Variants in PRKN observed in about 807,000 individuals in gnomAD.
PRKN encodes the protein parkin RBR E3 ubiquitin protein ligase, also known as E3 ubiquitin-protein ligase parkin.
In PRKN, 56 loss-of-function variants were observed where a neutral mutation model predicts 59.5. That is an observed-to-expected ratio of 0.94 (90% CI 0.76 to 1.18). The LOEUF (loss-of-function observed/expected upper bound fraction) is 1.18. Ranked by LOEUF, PRKN falls within the 50% of genes most tolerant of loss-of-function variation. PRKN has a pLI of 0.00. For synonymous variants in PRKN, 250 were observed against 222.1 expected (o/e 1.13, Z -1.12); for missense variants, 657 against 596.4 (o/e 1.10, Z -1.06).
chr6:162,358,685 T>C (rs1562699049), intron 2 of PRKN, among the ~76,000 whole-genome samples: 1 of 152,090 alleles, frequency 6.6e-6, no homozygotes, highest in Non-Finnish European at 1.5e-5. Flanking sequence ...AAATCTAGAG[T>C]GCAGCATATC....
At chr6:161,365,630 T>A (rs1055407431) in intron 10 of PRKN, among the ~76,000 whole-genome samples, 4 of 152,122 alleles carry the variant, frequency 2.6e-5, no homozygotes, top group Admixed American at 6.6e-5. Context: ...GAGAAATAAT[T>A]ACTTTTCAAA....
At chr6:162,228,457 C>A (rs1778282460) in intron 3 of PRKN, among the ~76,000 whole-genome samples, 2 of 152,120 alleles carry the variant, frequency 1.3e-5, no homozygotes, top group Admixed American at 6.5e-5. Flanking sequence ...AGTCCCAGAA[C>A]TAATCCTTTC....
chr6:161,757,697 G>T (rs1788985001), intron 7 of PRKN, among the ~76,000 whole-genome samples: 1 of 151,766 alleles, frequency 6.6e-6, no homozygotes, highest in Non-Finnish European at 1.5e-5. Flanking sequence ...AATTAGCTGG[G>T]CATGGTGGCG....
chr6:161,503,380 T>C lies in PRKN; in HGVS notation c.1083+45474A>G, dbSNP rs1408482434. Among the ~76,000 whole-genome samples the C allele has an allele frequency of 6.6e-6, 1 of 152,204 alleles. No individual in the cohort carries two copies. Among genetic ancestry groups the C allele is most frequent in the Admixed American group, 6.5e-5 (1 of 15,284 alleles). On this transcript the variant is annotated intron_variant, in intron 9 of 11. Transcript: ENST00000366898. This position sits in a 1 kb window ranked among gnomAD's most constrained non-coding sequence, Gnocchi z 5.1. ...TCTGTTTGCTGCACACTGTGCTCTT[T>C]CTGTGGGTTATTCAGGTCATTCTCA...
chr6:161,643,772 T>C (rs1402293132), intron 7 of PRKN, among the ~76,000 whole-genome samples: 1 of 152,232 alleles, frequency 6.6e-6, no homozygotes, highest in Non-Finnish European at 1.5e-5. Flanking sequence ...ACCCACTTTT[T>C]ACTACTAAAA....
At chr6:162,144,746 AG>A (rs1781946508) in intron 4 of PRKN, among the ~76,000 whole-genome samples, 1 of 152,214 alleles carries the variant, frequency 6.6e-6, no homozygotes, top group Admixed American at 6.5e-5. Context: ...ATGAGCAAAA[AG>A]CAAACAGCTT....
At chr6:162,572,432 C>T (rs909016975) in intron 1 of PRKN, among the ~76,000 whole-genome samples, 2 of 152,184 alleles carry the variant, frequency 1.3e-5, no homozygotes, top group Admixed American at 6.5e-5. Flanking sequence ...TCCAGCTTAG[C>T]TCCTCTTGCT....
At chr6:162,447,197 T>C (rs900507546) in intron 1 of PRKN, among the ~76,000 whole-genome samples, 1 of 152,014 alleles carries the variant, frequency 6.6e-6, no homozygotes, top group Admixed American at 6.6e-5. Context: ...CTAGAGGAGG[T>C]AGAGCTAATG....
rs9456727 is a variant in PRKN at position 161,967,648 on chromosome 6, G to C, written c.734+5654C>G. ...CTTACTTTCATTAGTACTGACAACC[G>C]AAATGAGTGACTGAGGCAGAAGGCT... On this transcript the variant is annotated intron_variant, in intron 6 of 11. Coordinates refer to ENST00000366898, the MANE Select transcript of PRKN (RefSeq NM_004562.3). Among the ~76,000 whole-genome samples, 1,313 of 152,274 alleles carry C rather than the reference G, an allele frequency of 8.6e-3. 21 individuals are homozygous for C. The highest frequency in any genetic ancestry group is 0.031 in the African/African-American group (1,270 of 41,550).
At chr6:161,553,185 G>A (rs1047611551) in intron 8 of PRKN, among the ~76,000 whole-genome samples, 1 of 150,954 alleles carries the variant, frequency 6.6e-6, no homozygotes, top group African/African-American at 2.4e-5. Flanking sequence ...CAATTTATCT[G>A]TTGAAGAAAG....
Position 162,229,250 on chromosome 6 carries a change from C to T in PRKN, c.413-27998G>A, listed in dbSNP as rs371826218. On this transcript the variant is annotated intron_variant, in intron 3 of 11. Transcript: ENST00000366898. ...CTAGTCTCCCCCATCCCAACAAAAA[C>T]ACCCCCAGTCACCCAGGTGTTCAAG... Among the ~76,000 whole-genome samples, 23 of 152,236 alleles carry T rather than the reference C, an allele frequency of 1.5e-4. No homozygotes were observed. In the East Asian group the frequency reaches 3.3e-3, roughly 22 times the overall value.
Position 161,413,549 on chromosome 6 carries a change from G to A in PRKN, c.1084-26672C>T, listed in dbSNP as rs957828491. ...GAACCTGGCGGGCTCATGTGGGCACGCTGGCCATGGTGGGATGGCAGCGTG... is the reference window on the plus strand; with the variant it reads ...GAACCTGGCGGGCTCATGTGGGCACACTGGCCATGGTGGGATGGCAGCGTG... On this transcript the variant is annotated intron_variant, in intron 9 of 11. Coordinates refer to ENST00000366898, the MANE Select transcript of PRKN (RefSeq NM_004562.3). This position sits in a 1 kb window ranked among gnomAD's most constrained non-coding sequence, Gnocchi z 4.4. Among the ~76,000 whole-genome samples, 2 of 152,186 alleles carry A rather than the reference G, an allele frequency of 1.3e-5. No homozygotes were observed. Among genetic ancestry groups the A allele is most frequent in the African/African-American group, 2.4e-5 (1 of 41,426 alleles).
chr6:162,517,416 T>G (rs1777910469), intron 1 of PRKN, among the ~76,000 whole-genome samples: 1 of 148,890 alleles, frequency 6.7e-6, no homozygotes, highest in South Asian at 2.2e-4. Context: ...CCCGACTAAT[T>G]TGTTTTTTTT....
chr6:161,417,130 A>C lies in PRKN; in HGVS notation c.1084-30253T>G, dbSNP rs1787886960. Among the ~76,000 whole-genome samples, 1 of 152,124 alleles carries C rather than the reference A, an allele frequency of 6.6e-6. No homozygotes were observed. Among genetic ancestry groups the C allele is most frequent in the African/African-American group, 2.4e-5 (1 of 41,410 alleles). The stretch of plus-strand genomic sequence containing the variant: ...CTTGCTTGTGGGTCCAGAGTTTCTG[A>C]TGGCAGCGGGTTTTTGATGGCCTGT... On this transcript the variant is annotated intron_variant, in intron 9 of 11. Transcript: ENST00000366898. This position sits in a 1 kb window ranked among gnomAD's most constrained non-coding sequence, Gnocchi z 5.4.
chr6:162,720,057 A>G (rs972273708), intron 1 of PRKN, among the ~76,000 whole-genome samples: 1 of 152,200 alleles, frequency 6.6e-6, no homozygotes, highest in Non-Finnish European at 1.5e-5. Context: ...CGGGTACAAT[A>G]AGCTTTAAAA....
intron 7 of PRKN, among the ~76,000 whole-genome samples, chr6:161,762,835 T>G (rs572586998): frequency 1.3e-5 from 2 of 152,344 alleles, no homozygotes; most frequent in South Asian, 4.1e-4. Context: ...TATTGCCATT[T>G]TCAAGTTGAA....
At chr6:162,479,837 C>T (rs1189459055) in intron 1 of PRKN, among the ~76,000 whole-genome samples, 2 of 151,488 alleles carry the variant, frequency 1.3e-5, no homozygotes, top group Non-Finnish European at 2.9e-5. Context: ...GAGGTCGAGG[C>T]AGGCAGATCA....
At chr6:162,689,569 T>C (rs1777694027) in intron 1 of PRKN, among the ~76,000 whole-genome samples, 1 of 152,246 alleles carries the variant, frequency 6.6e-6, no homozygotes, top group Non-Finnish European at 1.5e-5. Flanking sequence ...CTAATCTTTT[T>C]GGCAGGAAAA....
chr6:162,207,949 A>AAGGG (rs1379267781), intron 3 of PRKN, among the ~76,000 whole-genome samples: 1 of 152,342 alleles, frequency 6.6e-6, no homozygotes, highest in South Asian at 2.1e-4. Context: ...TGATCATTCA[A>AAGGG]TATCTAGAAC....
Sources: gnomAD v4.1 joint callset for allele counts (sites outside exome capture counted in the v4.1 genomes callset) on GRCh38, gnomAD v4.1.1 for gene constraint, Gnocchi (gnomAD v3.1) non-coding constraint, MANE v1.5 for transcripts, NCBI Gene and HGNC (gene_info 2026-07-23, HGNC 2026-07-21) for gene names.